The following GARIN1A variants were observed in gnomAD, a reference collection of about 807,000 sequenced individuals.
GARIN1A encodes the protein golgi associated RAB2 interactor 1A, also known as Golgi-associated RAB2 interactor protein 1A.
the GARIN1A span, among the ~76,000 whole-genome samples, chr7:128,699,282 A>C: frequency 8.9e-6 from 1 of 112,958 alleles, no homozygotes. Context: ...CCACCACCAA[A>C]AACAACCAAC....
At chr7:128,708,054 C>T in the GARIN1A span, among the ~76,000 whole-genome samples, 24 of 151,312 alleles carry the variant, frequency 1.6e-4, no homozygotes, top group African/African-American at 5.8e-4. Flanking sequence ...ATCTCTGTGG[C>T]CTAGGCAAGA....
At chr7:128,700,568 C>A in the GARIN1A span, among the ~76,000 whole-genome samples, 1 of 152,106 alleles carries the variant, frequency 6.6e-6, no homozygotes, top group African/African-American at 2.4e-5. Context: ...GAGTGAGCCA[C>A]GGTGCCCGGC....
chr7:128,694,542 AAAG>A, the GARIN1A span, among the ~76,000 whole-genome samples: 108 of 65,072 alleles, frequency 1.7e-3, no homozygotes, highest in Admixed American at 2.9e-3. Context: ...TCAAAAAAAA[AAAG>A]AAAGAAAGAA....
At chr7:128,682,259 G>A in the GARIN1A span, among the ~76,000 whole-genome samples, 1 of 152,116 alleles carries the variant, frequency 6.6e-6, no homozygotes. Context: ...ACCAAGGCTG[G>A]CAATCCCTTC....
chr7:128,684,615 A>AG, the GARIN1A span: 2 of 7,762 alleles, frequency 2.6e-4, no homozygotes, highest in African/African-American at 1.0e-3. Flanking sequence ...ACTCCATCTC[A>AG]AAAAAAAAAA....
the GARIN1A span, among the ~76,000 whole-genome samples, chr7:128,694,485 GATT>G: frequency 6.6e-6 from 1 of 151,816 alleles, no homozygotes; most frequent in East Asian, 1.9e-4. Context: ...AGTGAGTCGA[GATT>G]GTGCCACTGG....
chr7:128,706,976 G>T, the GARIN1A span, among the ~76,000 whole-genome samples: 1 of 152,034 alleles, frequency 6.6e-6, no homozygotes, highest in East Asian at 1.9e-4. Context: ...GGACTCAGGG[G>T]CCTGTCTGTA....
chr7:128,690,117 A>G, the GARIN1A span, among the ~76,000 whole-genome samples: 83 of 152,208 alleles, frequency 5.5e-4, 2 homozygotes, highest in Non-Finnish European at 1.8e-4. Flanking sequence ...CCCCAACCCC[A>G]TGCTCTCTGA....
chr7:128,682,520 T>C, the GARIN1A span, among the ~76,000 whole-genome samples: 1 of 152,196 alleles, frequency 6.6e-6, no homozygotes, highest in African/African-American at 2.4e-5. Context: ...TCCATATTTC[T>C]ACATGTCCTT....
the GARIN1A span, among the ~76,000 whole-genome samples, chr7:128,692,614 G>A: frequency 2.0e-5 from 3 of 152,164 alleles, no homozygotes; most frequent in African/African-American, 7.2e-5. Context: ...GGAATTCAGA[G>A]AAAAGAGAAA....
At chr7:128,672,736 G>A in the GARIN1A span, among the ~76,000 whole-genome samples, 8 of 152,088 alleles carry the variant, frequency 5.3e-5, no homozygotes, top group South Asian at 2.1e-4. Context: ...TGTGCCTACC[G>A]TATGATAGAG....
At chr7:128,685,219 T>C in the GARIN1A span, 1 of 152,272 alleles carries the variant, frequency 6.6e-6, no homozygotes, top group East Asian at 1.9e-4. Flanking sequence ...CCCACTCCAA[T>C]ATTTAATAAG....
At chr7:128,706,272 G>T in the GARIN1A span, among the ~76,000 whole-genome samples, 1 of 151,996 alleles carries the variant, frequency 6.6e-6, no homozygotes, top group African/African-American at 2.4e-5. Flanking sequence ...CCCCAATCTT[G>T]GAATCAGCCA....
chr7:128,676,172 AT>A, the GARIN1A span, among the ~76,000 whole-genome samples: 52,432 of 148,748 alleles, frequency 0.35, 9,357 homozygotes, highest in South Asian at 0.45. Flanking sequence ...TGCCCAGCTA[AT>A]TTTTTTTTTT....
the GARIN1A span, among the ~76,000 whole-genome samples, chr7:128,701,757 A>C: frequency 6.6e-6 from 1 of 152,058 alleles, no homozygotes; most frequent in African/African-American, 2.4e-5. Flanking sequence ...AGAACGAGGA[A>C]ATTAAAGTTT....
At chr7:128,676,968 T>G in the GARIN1A span, among the ~76,000 whole-genome samples, 1 of 146,972 alleles carries the variant, frequency 6.8e-6, no homozygotes, top group African/African-American at 2.5e-5. Context: ...AAGCCAGGAG[T>G]TCAAGACCAA....
At chr7:128,680,188 C>A in the GARIN1A span, 1 of 1,256,548 alleles carries the variant, frequency 8.0e-7, no homozygotes, top group Non-Finnish European at 1.1e-6. Flanking sequence ...TCCCTTCCTC[C>A]AGTGTGAAGT....
At chr7:128,688,787 TCCCCC>T in the GARIN1A span, among the ~76,000 whole-genome samples, 2 of 13,740 alleles carry the variant, frequency 1.5e-4, no homozygotes, top group Non-Finnish European at 1.4e-4. Flanking sequence ...CCCCTCCCCC[TCCCCC>T]CTCCCTCTCC....
the GARIN1A span, among the ~76,000 whole-genome samples, chr7:128,673,801 A>G: frequency 6.6e-6 from 1 of 152,186 alleles, no homozygotes; most frequent in Non-Finnish European, 1.5e-5. Context: ...CATTCCTAAC[A>G]TACCCTTGGT....
Sources: gnomAD v4.1 joint callset for allele counts (sites outside exome capture counted in the v4.1 genomes callset) on GRCh38, gnomAD v4.1.1 for gene constraint, MANE v1.5 for transcripts, NCBI Gene and HGNC (gene_info 2026-07-23, HGNC 2026-07-21) for gene names.